Variants in CNTN6 observed in about 807,000 individuals in gnomAD.
The protein encoded by CNTN6 is contactin 6, also known as contactin-6.
In CNTN6, 137 loss-of-function variants were observed where a neutral mutation model predicts 122.8. The observed-to-expected ratio is 1.12, with a 90% CI of 0.97 to 1.29. CNTN6 has a LOEUF of 1.29. Among genes scored for constraint, CNTN6 ranks in the 50% most tolerant of loss-of-function variants. CNTN6 has a pLI of 0.00. For synonymous variants in CNTN6, 570 were observed against 426.0 expected (o/e 1.34, Z -4.16); for missense variants, 1,634 against 1,223.4 (o/e 1.34, Z -5.01).
Position 1,253,257 on chromosome 3 carries a change from G to T in CNTN6, c.359-25156G>T, listed in dbSNP as rs189987287. On this transcript the variant is annotated intron_variant, in intron 4 of 22. Transcript: ENST00000446702. ...CCATGTCCTTTACCCTTGTGTTTTT[G>T]AAAGCAAAAGAAGAAACGCATACAT... is the stretch of plus-strand genomic sequence containing the variant. 8.5e-4 allele frequency among the ~76,000 whole-genome samples: 129 copies of T among 152,176 alleles called. 1 individual carries two copies. The highest frequency in any genetic ancestry group is 3.4e-3 in the Middle Eastern group (1 of 294).
rs1037559960 is a variant in CNTN6 at position 1,243,441 on chromosome 3, G to C, written c.358+15448G>C. On this transcript the variant is annotated intron_variant, in intron 4 of 22. Coordinates refer to ENST00000446702, the MANE Select transcript of CNTN6 (RefSeq NM_001289080.2). Reference sequence around the variant, plus strand: ...TTGAAGACGAGGTTAATTAAATCCTGTTGTGGGGTTTGAGGGCCGGAATTT... The same window carrying C: ...TTGAAGACGAGGTTAATTAAATCCTCTTGTGGGGTTTGAGGGCCGGAATTT... 5.9e-5 allele frequency among the ~76,000 whole-genome samples: 9 copies of C among 152,252 alleles called. No homozygotes were observed. In the South Asian group the frequency reaches 6.2e-4, roughly 11 times the overall value.
Position 1,321,716 on chromosome 3 carries a change from C to A in CNTN6, c.828C>A (p.Ser276Arg). The part of the protein sequence containing the change: ...GSPLPGKVKY[S>R]KSQAILEIPN... ...CGTTGCCAGGGAAAGTCAAGTACAG[C>A]AAATCCCAAGCTATCCTTGAAATCC... The change falls in exon 8 of 23, where the codon AGC becomes AGA. Residue 276 changes from serine (S) to arginine (R), a missense_variant. Ser to Arg is a moderately radical substitution (Grantham distance 110). Coordinates refer to ENST00000446702, the MANE Select transcript of CNTN6 (RefSeq NM_001289080.2). 6.2e-7 allele frequency: 1 copy of A among 1,611,808 alleles called. No individual in the cohort carries two copies. The highest frequency in any genetic ancestry group is 8.5e-7 in the Non-Finnish European group (1 of 1,178,580).
intron 11 of CNTN6, among the ~76,000 whole-genome samples, chr3:1,349,949 A>G (rs1233909261): frequency 6.6e-6 from 1 of 151,882 alleles, no homozygotes; most frequent in African/African-American, 2.4e-5. Context: ...AGATCAACAG[A>G]GAGAACTTTT....
At chr3:1,332,071 T>C (rs894077144) in intron 11 of CNTN6, among the ~76,000 whole-genome samples, 19 of 151,968 alleles carry the variant, frequency 1.3e-4, no homozygotes, top group Non-Finnish European at 7.4e-5. Context: ...TATCTTTTCA[T>C]TGCTTCAGGG....
At chr3:1,164,640 G>T (rs1183609264) in intron 2 of CNTN6, among the ~76,000 whole-genome samples, 2 of 152,208 alleles carry the variant, frequency 1.3e-5, no homozygotes, top group African/African-American at 4.8e-5. Context: ...GGATACTGAA[G>T]AAATTCTTGA....
intron 20 of CNTN6, chr3:1,401,178 TTAA>T (rs1695652731): frequency 7.9e-6 from 3 of 379,280 alleles, no homozygotes; most frequent in Non-Finnish European, 1.4e-5. Context: ...ACAGCAATGA[TTAA>T]TAAATTAATA....
chr3:1,195,067 C>T (rs981788171), intron 2 of CNTN6, among the ~76,000 whole-genome samples: 8 of 152,152 alleles, frequency 5.3e-5, no homozygotes, highest in East Asian at 1.9e-4. Flanking sequence ...TTACACTCCA[C>T]GCCAGGTTCA....
chr3:1,232,336 G>C (rs376687261), intron 4 of CNTN6, among the ~76,000 whole-genome samples: 61 of 152,162 alleles, frequency 4.0e-4, no homozygotes, highest in African/African-American at 1.5e-3. Flanking sequence ...CCAAGCAACC[G>C]GAGAACACCT....
At chr3:1,190,357 C>A (rs976138531) in intron 2 of CNTN6, among the ~76,000 whole-genome samples, 10 of 152,290 alleles carry the variant, frequency 6.6e-5, no homozygotes, top group Non-Finnish European at 1.2e-4. Context: ...CATAACCATT[C>A]GGTCTATAAC....
intron 11 of CNTN6, among the ~76,000 whole-genome samples, chr3:1,349,680 C>T (rs1381222996): frequency 1.3e-5 from 2 of 151,738 alleles, no homozygotes; most frequent in Non-Finnish European, 2.9e-5. Context: ...TTTTTAAAAT[C>T]ATTTCTGCTA....
intron 2 of CNTN6, among the ~76,000 whole-genome samples, chr3:1,156,957 C>T (rs1262300326): frequency 2.0e-5 from 3 of 152,022 alleles, no homozygotes; most frequent in Admixed American, 2.0e-4. Context: ...CCCAAGCAAT[C>T]CTCCTACCTT....
intron 2 of CNTN6, among the ~76,000 whole-genome samples, chr3:1,168,365 A>T (rs2093298502): frequency 6.7e-6 from 1 of 148,702 alleles, no homozygotes. Flanking sequence ...TTTGTTATTG[A>T]GCAGTGCACA....
At position 1,128,743 on chromosome 3, in the gene CNTN6, C is replaced by T. The variant is rs570182024; in HGVS notation, c.-82-19184C>T. ...ATGCATATATTTATTTACAGAGCAA[C>T]ATGCTTGTGTTAGCTGTTTGTTTCT... On this transcript the variant is annotated intron_variant, in intron 1 of 22. Transcript: ENST00000446702. 4.4e-4 allele frequency among the ~76,000 whole-genome samples: 67 copies of T among 151,060 alleles called. 1 individual carries two copies. The highest frequency in any genetic ancestry group is 1.6e-3 in the African/African-American group (64 of 41,180).
intron 2 of CNTN6, among the ~76,000 whole-genome samples, chr3:1,215,513 A>C (rs1452673311): frequency 6.6e-6 from 1 of 152,084 alleles, no homozygotes; most frequent in African/African-American, 2.4e-5. Context: ...ATGGTCTCCA[A>C]ATTTATCTGG....
chr3:1,104,751 G>A (rs1317523259), intron 1 of CNTN6, among the ~76,000 whole-genome samples: 6 of 151,980 alleles, frequency 3.9e-5, no homozygotes, highest in South Asian at 4.1e-4. Flanking sequence ...ATGTGTGTAC[G>A]TGTGTGCGTG....
At chr3:1,119,092 G>T (rs966573584) in intron 1 of CNTN6, among the ~76,000 whole-genome samples, 6 of 152,030 alleles carry the variant, frequency 3.9e-5, no homozygotes, top group Non-Finnish European at 7.4e-5. Flanking sequence ...TGAAGGAGAG[G>T]CTGTTGGAAA....
Position 1,403,505 on chromosome 3 carries a change from T to C in CNTN6, c.*87T>C. ...CCAGCCTCTGACACAAGATGCGTTC[T>C]TAATACAGACTTGTTTGCAAAGAAA... On this transcript the variant is annotated 3_prime_UTR_variant, in exon 23 of 23. Coordinates refer to ENST00000446702, the MANE Select transcript of CNTN6 (RefSeq NM_001289080.2). 1 of 712,948 alleles carries C rather than the reference T, an allele frequency of 1.4e-6. No homozygotes were observed. The highest frequency in any genetic ancestry group is 2.3e-6 in the Non-Finnish European group (1 of 426,086). The allele number at this position is 712,948 out of a possible 1,614,324, so 44.2% of individuals were successfully genotyped here. A position where few individuals can be genotyped will look rare whatever the true frequency, so the allele number is the denominator to read the frequency against.
Position 1,207,585 on chromosome 3 carries a change from G to A in CNTN6, c.56-13102G>A, listed in dbSNP as rs1159919124. Among the ~76,000 whole-genome samples, 3 of 151,952 alleles carry A rather than the reference G, an allele frequency of 2.0e-5. No individual in the cohort carries two copies. In the East Asian group the frequency reaches 5.8e-4, roughly 29 times the overall value. ...ATAACACCTGACTTCAGCATTTCTAGCTCCCTTACCCTTTATTTCTCTCCA... is the reference window on the plus strand; with the variant it reads ...ATAACACCTGACTTCAGCATTTCTAACTCCCTTACCCTTTATTTCTCTCCA... On this transcript the variant is annotated intron_variant, in intron 2 of 22. Transcript: ENST00000446702.
At chr3:1,199,181 T>TC (rs1237915744) in intron 2 of CNTN6, among the ~76,000 whole-genome samples, 1 of 149,766 alleles carries the variant, frequency 6.7e-6, no homozygotes, top group African/African-American at 2.5e-5. Flanking sequence ...TATGCTTTTT[T>TC]TTTTTTTTTT....
Sources: allele counts gnomAD v4.1 joint callset (sites outside exome capture counted in the v4.1 genomes callset), GRCh38; gene constraint gnomAD v4.1.1; transcripts MANE v1.5; gene names NCBI Gene and HGNC (gene_info 2026-07-23, HGNC 2026-07-21).